CREM: variants seen among roughly 807,000 people sequenced by gnomAD.
CREM encodes cAMP-responsive element modulator.
In CREM, 13 loss-of-function variants were observed where a neutral mutation model predicts 37.3. That is an observed-to-expected ratio of 0.35 (90% confidence interval 0.23 to 0.55). The LOEUF (loss-of-function observed/expected upper bound fraction) is 0.55, where lower values mean the gene tolerates loss of function less well. Among genes scored for constraint, CREM ranks in the 20% least tolerant of loss-of-function variants. CREM has a pLI of 0.88. For missense variants in CREM, 296 were observed against 362.3 expected, an observed-to-expected ratio of 0.82 and a Z score of 1.49; for synonymous variants, 124 against 120.2, an observed-to-expected ratio of 1.03 and a Z score of -0.21.
intron 1 of CREM, among the ~76,000 whole-genome samples, chr10:35,134,233 T>A (rs563355547): frequency 6.6e-6 from 1 of 152,176 alleles, no homozygotes; most frequent in Admixed American, 6.5e-5. Flanking sequence ...TTTTTCTTTT[T>A]TAAATGAGAG....
chr10:35,137,918 T>G (rs1270860925), intron 2 of CREM, 39 bp downstream of exon 2: 1 of 1,529,712 alleles, frequency 6.5e-7, no homozygotes, highest in African/African-American at 1.4e-5. Context: ...TTGAAAATTC[T>G]ACTTAGCTTA....
chr10:35,164,526 T>G (rs115492045), intron 3 of CREM, among the ~76,000 whole-genome samples: 1 of 152,214 alleles, frequency 6.6e-6, no homozygotes, highest in African/African-American at 2.4e-5. Context: ...ACTTTAGATT[T>G]CTCCTAGATA....
chr10:35,133,109 G>T (rs1280209239), intron 1 of CREM, among the ~76,000 whole-genome samples: 2 of 151,868 alleles, frequency 1.3e-5, no homozygotes, highest in African/African-American at 2.4e-5. Context: ...GTGCTTTCAG[G>T]TTTTCTTATT....
At chr10:35,144,832 A>T (rs1224680688) in intron 2 of CREM, among the ~76,000 whole-genome samples, 1 of 150,910 alleles carries the variant, frequency 6.6e-6, no homozygotes, top group Non-Finnish European at 1.5e-5. Flanking sequence ...TTTTTTCATG[A>T]CTCAGGATAG....
intron 2 of CREM, among the ~76,000 whole-genome samples, chr10:35,142,761 A>G (rs1278259746): frequency 6.6e-6 from 1 of 152,076 alleles, no homozygotes; most frequent in African/African-American, 2.4e-5. Flanking sequence ...GCCCATCACT[A>G]CGCCCAGCTA....
intron 5 of CREM, among the ~76,000 whole-genome samples, chr10:35,184,302 A>G (rs902263401): frequency 6.6e-6 from 1 of 152,232 alleles, no homozygotes; most frequent in African/African-American, 2.4e-5. Context: ...AGTTAATTTC[A>G]TCTTATTTTT....
At chr10:35,172,478 G>A (rs1388972729) in intron 3 of CREM, among the ~76,000 whole-genome samples, 2 of 152,140 alleles carry the variant, frequency 1.3e-5, no homozygotes, top group East Asian at 3.8e-4. Flanking sequence ...AACAGTGGTG[G>A]TGGGGGAGTG....
chr10:35,205,975 G>A (rs1252147010), intron 6 of CREM, among the ~76,000 whole-genome samples: 3 of 151,610 alleles, frequency 2.0e-5, no homozygotes, highest in East Asian at 3.9e-4. Context: ...AAAGCCAGGC[G>A]CGATGGCTCA....
chr10:35,202,631 A>C (rs1469075796), intron 6 of CREM, among the ~76,000 whole-genome samples: 1 of 152,188 alleles, frequency 6.6e-6, no homozygotes. Flanking sequence ...TCCATCGACC[A>C]TTAGAAGTAT....
intron 6 of CREM, among the ~76,000 whole-genome samples, chr10:35,196,865 CTTT>C (rs58503822): frequency 2.8e-5 from 3 of 108,938 alleles, no homozygotes; most frequent in Non-Finnish European, 5.4e-5. Context: ...ACGCTGTGTA[CTTT>C]TTTTTTTTTT....
chr10:35,196,399 G>T, intron 6 of CREM: 2 of 393,854 alleles, frequency 5.1e-6, no homozygotes, highest in Non-Finnish European at 4.6e-6. Context: ...TTGCAGTGTT[G>T]TTTATTCAGT....
intron 3 of CREM, among the ~76,000 whole-genome samples, chr10:35,151,758 C>A (rs547603404): frequency 1.3e-5 from 2 of 152,154 alleles, no homozygotes; most frequent in Admixed American, 1.3e-4. Flanking sequence ...AATCTGTATG[C>A]CGACTTATGG....
chr10:35,151,469 G>A (rs906183941), intron 3 of CREM, among the ~76,000 whole-genome samples: 2 of 152,050 alleles, frequency 1.3e-5, no homozygotes. Flanking sequence ...TCCACCTCCC[G>A]GGTTCCAATG....
intron 6 of CREM, chr10:35,201,353 A>G: frequency 1.6e-6 from 2 of 1,287,974 alleles, no homozygotes; most frequent in Non-Finnish European, 2.2e-6. Flanking sequence ...ACATTTGTGG[A>G]GTGCCTGCCA....
At chr10:35,208,057 CT>C (rs1373221541) in intron 7 of CREM, among the ~76,000 whole-genome samples, 1 of 152,156 alleles carries the variant, frequency 6.6e-6, no homozygotes, top group Non-Finnish European at 1.5e-5. Flanking sequence ...AATTTTTTAG[CT>C]TCTCTCTGAG....
intron 3 of CREM, chr10:35,176,020 G>A (rs2132978161): frequency 2.6e-6 from 4 of 1,534,390 alleles, no homozygotes; most frequent in Non-Finnish European, 3.5e-6. Context: ...TTCCTGAATG[G>A]TTTTGTCTTT....
At position 35,201,641 on chromosome 10, in the gene CREM, TA is replaced by T. The variant is rs80113848; in HGVS notation, c.599-5241del. The stretch of plus-strand genomic sequence containing the variant: ...CCCATGAAATATTTGATACTGAACC[TA>T]AAAAAAAAAAAATGCTTTCATGTCA... On this transcript the variant is annotated intron_variant, in intron 6 of 7. Coordinates refer to ENST00000685392, the MANE Select transcript of CREM (RefSeq NM_183011.2). Among the ~76,000 whole-genome samples, 682 of 140,996 alleles carry T rather than the reference TA, an allele frequency of 4.8e-3. 1 individual carries two copies. The highest frequency in any genetic ancestry group is 4.6e-3 in the Non-Finnish European group (299 of 64,332). The allele number at this position is 140,996 out of a possible 152,430, so 92.5% of individuals were successfully genotyped here.
intron 3 of CREM, among the ~76,000 whole-genome samples, chr10:35,176,500 C>A (rs912683124): frequency 6.6e-6 from 1 of 151,468 alleles, no homozygotes; most frequent in Non-Finnish European, 1.5e-5. Context: ...CTCCACCTCC[C>A]GGGTTCACGC....
chr10:35,191,777 C>G (rs769646141), intron 6 of CREM, among the ~76,000 whole-genome samples: 1 of 152,170 alleles, frequency 6.6e-6, no homozygotes, highest in Non-Finnish European at 1.5e-5. Context: ...CTCACTCCCC[C>G]ACCCTCTTCC....
Sources: gnomAD v4.1 joint callset for allele counts (sites outside exome capture counted in the v4.1 genomes callset) on GRCh38, gnomAD v4.1.1 for gene constraint, MANE v1.5 for transcripts, NCBI Gene and HGNC (gene_info 2026-07-23, HGNC 2026-07-21) for gene names.